BACH2: variants seen among roughly 807,000 people sequenced by gnomAD.
BACH2 encodes the protein BACH transcriptional regulator 2, also known as transcription regulator protein BACH2.
BACH2 carries 5 observed loss-of-function variants against 61.8 expected under a neutral mutation model. The observed-to-expected ratio is 0.08, with a 90% CI of 0.04 to 0.17. The LOEUF (loss-of-function observed/expected upper bound fraction) is 0.17, where lower values mean the gene tolerates loss of function less well. Among genes scored for constraint, BACH2 ranks in the 10% least tolerant of loss-of-function variants. The pLI, the probability that BACH2 is intolerant of heterozygous loss-of-function variation, is 1.00. For synonymous variants in BACH2, 446 were observed against 440.1 expected, an observed-to-expected ratio of 1.01 and a Z score of -0.17; for missense variants, 824 against 1,091.1, an observed-to-expected ratio of 0.76 and a Z score of 3.45.
At chr6:90,248,039 T>C (rs1261462875) in intron 3 of BACH2, among the ~76,000 whole-genome samples, 1 of 152,252 alleles carries the variant, frequency 6.6e-6, no homozygotes, top group African/African-American at 2.4e-5. Flanking sequence ...CATGAATGAA[T>C]ACATATGCTC....
chr6:90,268,059 A>G (rs1771402020), intron 2 of BACH2, among the ~76,000 whole-genome samples: 1 of 146,556 alleles, frequency 6.8e-6, no homozygotes, highest in African/African-American at 2.5e-5. Flanking sequence ...CCCAGGCTAG[A>G]GTGCAGTGCC....
chr6:90,212,935 G>C (rs1225242430), intron 3 of BACH2, among the ~76,000 whole-genome samples: 1 of 152,114 alleles, frequency 6.6e-6, no homozygotes, highest in Non-Finnish European at 1.5e-5. Flanking sequence ...TCTTGCACTT[G>C]GTCAAATGAT....
chr6:90,137,939 C>G (rs1197662300), intron 4 of BACH2, among the ~76,000 whole-genome samples: 1 of 152,048 alleles, frequency 6.6e-6, no homozygotes, highest in Non-Finnish European at 1.5e-5. Context: ...AGTGATTTCA[C>G]CTCTTTGGGA....
chr6:89,960,743 G>T (rs552901437), intron 6 of BACH2, among the ~76,000 whole-genome samples: 1 of 152,242 alleles, frequency 6.6e-6, no homozygotes, highest in African/African-American at 2.4e-5. Flanking sequence ...AGACAAAGCA[G>T]AAATGCCCTT....
rs1387144836 is a variant in BACH2, at chr6:89,927,249, G to T, written c.*5159C>A. On this transcript the variant is annotated 3_prime_UTR_variant, in exon 9 of 9. Transcript: ENST00000257749. Reference sequence around the variant, plus strand: ...ATCTTCCTGATCACTCACTAGAGGTGCCATGTCTTTATGTCAGAGCGTGAA... The same window carrying T: ...ATCTTCCTGATCACTCACTAGAGGTTCCATGTCTTTATGTCAGAGCGTGAA... 1 of 152,802 alleles carries T rather than the reference G, an allele frequency of 6.5e-6. No homozygotes were observed. Among genetic ancestry groups the T allele is most frequent in the South Asian group, 2.1e-4 (1 of 4,826 alleles). The allele number at this position is 152,802 out of a possible 1,614,324, so 9.5% of individuals were successfully genotyped here. A position where few individuals can be genotyped will look rare whatever the true frequency, so the allele number is the denominator to read the frequency against.
At chr6:90,134,274 A>G (rs1481266229) in intron 4 of BACH2, among the ~76,000 whole-genome samples, 10 of 152,200 alleles carry the variant, frequency 6.6e-5, no homozygotes, top group African/African-American at 1.7e-4. Flanking sequence ...TTTGATTTGC[A>G]TTAGAAATGC....
At chr6:90,066,473 A>G (rs1214079845) in intron 5 of BACH2, among the ~76,000 whole-genome samples, 1 of 152,198 alleles carries the variant, frequency 6.6e-6, no homozygotes, top group Non-Finnish European at 1.5e-5. Context: ...TTGGTGGCAG[A>G]CGGTAGGGTG....
At chr6:90,119,532 G>T (rs779291887) in intron 4 of BACH2, among the ~76,000 whole-genome samples, 1 of 152,072 alleles carries the variant, frequency 6.6e-6, no homozygotes, top group Non-Finnish European at 1.5e-5. Context: ...TTAAAAGCCT[G>T]AAATTTGAAT....
At chr6:90,148,760 A>G (rs531146058) in intron 4 of BACH2, among the ~76,000 whole-genome samples, 4 of 152,370 alleles carry the variant, frequency 2.6e-5, no homozygotes, top group East Asian at 1.9e-4. Flanking sequence ...TGGTAAAATT[A>G]TAAGTGTTTT....
intron 4 of BACH2, among the ~76,000 whole-genome samples, chr6:90,113,738 G>T (rs995184876): frequency 1.3e-4 from 19 of 151,744 alleles, no homozygotes; most frequent in Non-Finnish European, 1.5e-5. Context: ...ATGAATCCAG[G>T]ATTTTTTTTT....
chr6:90,275,736 G>A (rs1771670446), intron 1 of BACH2, among the ~76,000 whole-genome samples: 1 of 152,112 alleles, frequency 6.6e-6, no homozygotes, highest in African/African-American at 2.4e-5. Flanking sequence ...AGCACTTTGG[G>A]AGGCCAAGGC....
chr6:89,950,243 A>G lies in BACH2; in HGVS notation c.1836+27T>C. On this transcript the variant is annotated intron_variant, in intron 7 of 8. Transcript: ENST00000257749. The surrounding 1 kb of genome is among the most constrained non-coding windows in gnomAD (Gnocchi z 5.3). ...ATAAAGGGCCTAGAGAGTGGGTCAC[A>G]TGCTTGAATTTATGTGGGTTCCCTA... The G allele has an allele frequency of 1.2e-6, 2 of 1,613,742 alleles. No individual in the cohort carries two copies. Among genetic ancestry groups the G allele is most frequent in the Non-Finnish European group, 1.7e-6 (2 of 1,179,754 alleles).
At chr6:89,988,072 A>G (rs2128364650) in intron 6 of BACH2, among the ~76,000 whole-genome samples, 1 of 152,348 alleles carries the variant, frequency 6.6e-6, no homozygotes, top group South Asian at 2.1e-4. Context: ...TGAGATCATG[A>G]ACAATTTGCA....
At chr6:90,046,837 T>C (rs1442968485) in intron 5 of BACH2, among the ~76,000 whole-genome samples, 3 of 151,750 alleles carry the variant, frequency 2.0e-5, no homozygotes, top group Non-Finnish European at 4.4e-5. Flanking sequence ...ATTACAAGAA[T>C]AAAGGGAAGG....
At position 90,165,641 on chromosome 6, in the gene BACH2, T is replaced by C. The variant is rs1767583806; in HGVS notation, c.-162+40928A>G. On this transcript the variant is annotated intron_variant, in intron 4 of 8. Coordinates refer to ENST00000257749, the MANE Select transcript of BACH2 (RefSeq NM_021813.4). ...AAGAACAAAGCTGGAGGCATCACAC[T>C]ACCTGACTTCAAACTATACTACAAG... 2.6e-5 allele frequency among the ~76,000 whole-genome samples: 4 copies of C among 152,238 alleles called. No individual in the cohort carries two copies. The South Asian group carries it at 8.3e-4, about 32-fold the overall frequency.
chr6:90,171,503 G>A (rs909152662), intron 4 of BACH2, among the ~76,000 whole-genome samples: 1 of 151,592 alleles, frequency 6.6e-6, no homozygotes, highest in Non-Finnish European at 1.5e-5. Context: ...ATCCAAATAG[G>A]GTAAAAAGTC....
chr6:90,282,324 A>G (rs1293532260), intron 1 of BACH2, among the ~76,000 whole-genome samples: 4 of 152,160 alleles, frequency 2.6e-5, no homozygotes, highest in African/African-American at 7.2e-5. Context: ...ACCCTCTAAT[A>G]GGTCTCAGTG....
At chr6:90,225,057 A>T (rs1769865352) in intron 3 of BACH2, among the ~76,000 whole-genome samples, 1 of 149,948 alleles carries the variant, frequency 6.7e-6, no homozygotes, top group Admixed American at 6.6e-5. Context: ...AGAGGCTTGA[A>T]ATACATCATA....
chr6:90,207,888 A>C (rs368468401), intron 3 of BACH2, among the ~76,000 whole-genome samples: 13 of 152,330 alleles, frequency 8.5e-5, no homozygotes, highest in Admixed American at 6.5e-4. Flanking sequence ...TTCACTGCTA[A>C]GAAAATGATT....
Sources: allele counts gnomAD v4.1 joint callset (sites outside exome capture counted in the v4.1 genomes callset), GRCh38; gene constraint gnomAD v4.1.1; non-coding constraint Gnocchi (gnomAD v3.1); transcripts MANE v1.5; gene names NCBI Gene and HGNC (gene_info 2026-07-23, HGNC 2026-07-21).